SNX8: variants seen among roughly 807,000 people sequenced by gnomAD.
The protein encoded by SNX8 is sorting nexin-8.
Under a neutral mutation model 51.6 loss-of-function variants are expected in SNX8, and 25 were observed. The ratio of observed to expected loss-of-function variants is 0.48; its 90% CI spans 0.35 to 0.68. The LOEUF (loss-of-function observed/expected upper bound fraction) is 0.68. SNX8 is among the 30% of genes least tolerant of loss of function. The pLI, the probability that SNX8 is intolerant of heterozygous loss-of-function variation, is 0.00. For synonymous variants in SNX8, 324 were observed against 277.0 expected (o/e 1.17, Z -1.68); for missense variants, 695 against 624.0 (o/e 1.11, Z -1.21).
At chr7:2,271,163 C>G (rs1795635899) in intron 4 of SNX8, among the ~76,000 whole-genome samples, 1 of 152,238 alleles carries the variant, frequency 6.6e-6, no homozygotes. Context: ...CATGCCTCAG[C>G]CTCCCAAGTG....
upstream of SNX8, among the ~76,000 whole-genome samples, chr7:2,316,548 CACA>C (rs1419203964): frequency 6.7e-6 from 1 of 148,400 alleles, no homozygotes; most frequent in Non-Finnish European, 1.5e-5. Flanking sequence ...CATTCATTCA[CACA>C]ACCACTCACT....
chr7:2,346,485 C>T (rs1214374588), intron 1 of SNX8, among the ~76,000 whole-genome samples: 4 of 150,938 alleles, frequency 2.7e-5, no homozygotes, highest in South Asian at 2.1e-4. Context: ...CGGTGGCTCA[C>T]ACCTGTAATC....
At chr7:2,308,575 G>A (rs967211217) in intron 1 of SNX8, among the ~76,000 whole-genome samples, 1 of 150,226 alleles carries the variant, frequency 6.7e-6, no homozygotes, top group Non-Finnish European at 1.5e-5. Context: ...GACTGAGGCA[G>A]GAGTCACTTG....
intron 1 of SNX8, among the ~76,000 whole-genome samples, chr7:2,344,151 C>T (rs543044311): frequency 4.7e-4 from 71 of 151,704 alleles, no homozygotes; most frequent in African/African-American, 1.7e-3. Flanking sequence ...CTGCAGTGAG[C>T]CATGATCACG....
chr7:2,338,038 C>T (rs568667845), intron 1 of SNX8, among the ~76,000 whole-genome samples: 55 of 152,178 alleles, frequency 3.6e-4, no homozygotes, highest in African/African-American at 1.0e-3. Flanking sequence ...ATAAAGACTG[C>T]GAAAGGGCCA....
chr7:2,347,867 C>T (rs1164998852), intron 1 of SNX8, among the ~76,000 whole-genome samples: 1 of 149,500 alleles, frequency 6.7e-6, no homozygotes, highest in Non-Finnish European at 1.5e-5. Context: ...TGGTCTGGAA[C>T]TCCTGACCTC....
intron 1 of SNX8, among the ~76,000 whole-genome samples, chr7:2,348,950 CA>C (rs60816121): frequency 0.3 from 16,839 of 55,950 alleles, 635 homozygotes; most frequent in Admixed American, 0.31. Context: ...GACTCTGTCT[CA>C]AAAAAAAAAA....
chr7:2,264,318 GAGA>G lies in SNX8; in HGVS notation c.759_761del (p.Leu254del), dbSNP rs772660587. Reference sequence around the variant, plus strand: ...CCTACCTTAGCTCCTTCCCGAATATGAGAAGATCTGCCGCATTGTCGATGGCCC... The same window carrying G: ...CCTACCTTAGCTCCTTCCCGAATATGAGATCTGCCGCATTGTCGATGGCCC... On this transcript the variant is annotated inframe_deletion, in exon 6 of 11. Coordinates refer to ENST00000222990, the MANE Select transcript of SNX8 (RefSeq NM_013321.4). The G allele has an allele frequency of 5.0e-6, 8 of 1,612,298 alleles. No homozygotes were observed. The highest frequency in any genetic ancestry group is 6.8e-6 in the Non-Finnish European group (8 of 1,179,402).
intron 1 of SNX8, 121 bp from the exon 2 acceptor site, chr7:2,278,426 T>C (rs1795834602): frequency 1.6e-6 from 1 of 620,920 alleles, no homozygotes; most frequent in African/African-American, 1.8e-5. Flanking sequence ...GGAGTATCAC[T>C]TGAGCCCTGG....
At chr7:2,320,468 C>G (rs1366326047) in intron 1 of SNX8, among the ~76,000 whole-genome samples, 1 of 152,160 alleles carries the variant, frequency 6.6e-6, no homozygotes, top group East Asian at 1.9e-4. Context: ...CACCTGCAAT[C>G]TCAGCAGTTT....
chr7:2,258,751 G>A (rs375544878), intron 7 of SNX8, among the ~76,000 whole-genome samples: 2 of 152,164 alleles, frequency 1.3e-5, no homozygotes, highest in African/African-American at 4.8e-5. Flanking sequence ...CACACTCGGC[G>A]GTGGGGGCAG....
At chr7:2,348,007 T>C (rs6974490) in intron 1 of SNX8, among the ~76,000 whole-genome samples, 112,231 of 152,016 alleles carry the variant, frequency 0.74, 41,472 homozygotes, top group East Asian at 0.84. Context: ...AGATTGGACA[T>C]AGACCGGTTT....
intron 1 of SNX8, among the ~76,000 whole-genome samples, chr7:2,287,305 C>T (rs1438657815): frequency 6.7e-6 from 1 of 150,186 alleles, no homozygotes; most frequent in Non-Finnish European, 1.5e-5. Flanking sequence ...ATTGTCCAGG[C>T]GGGGTGCCTC....
At position 2,323,777 on chromosome 7, in the gene SNX8, G is replaced by C. The variant is rs142528699; in HGVS notation, c.-66+30445C>G. On this transcript the variant is annotated intron_variant, in intron 1 of 5. Transcript: ENST00000435336. ...AACACTAACCACGCTAACACGTATT[G>C]AATGCGTACTAGGAACTGAGTCTTC... Among the ~76,000 whole-genome samples, 1,476 of 152,254 alleles carry C rather than the reference G, an allele frequency of 9.7e-3. 20 individuals carry two copies. Among genetic ancestry groups the C allele is most frequent in the South Asian group, 0.043 (206 of 4,824 alleles).
intron 1 of SNX8, among the ~76,000 whole-genome samples, chr7:2,327,564 T>A (rs942000406): frequency 6.6e-6 from 1 of 151,698 alleles, no homozygotes; most frequent in African/African-American, 2.4e-5. Flanking sequence ...CCCGCCACCA[T>A]GCCCGGCTAA....
intron 1 of SNX8, among the ~76,000 whole-genome samples, chr7:2,352,992 TTTTAAACACCGTTAGGATGGGATGGG>T (rs1779187820): frequency 6.6e-6 from 1 of 152,264 alleles, no homozygotes; most frequent in Middle Eastern, 3.4e-3. Flanking sequence ...TTTTTCGCTC[TTTTAAACACCGTTAGGATGGGATGGG>T]TGTGGTGGCT....
chr7:2,265,137 G>A (rs995134491), intron 5 of SNX8, among the ~76,000 whole-genome samples: 9 of 152,082 alleles, frequency 5.9e-5, no homozygotes, highest in African/African-American at 1.9e-4. Context: ...GGCGAATCAC[G>A]AGGTAAGGAG....
chr7:2,330,804 TC>T (rs1000155480), intron 1 of SNX8, among the ~76,000 whole-genome samples: 1 of 152,032 alleles, frequency 6.6e-6, no homozygotes, highest in Admixed American at 6.6e-5. Context: ...ACATGGTTTT[TC>T]CTAAAACAAC....
chr7:2,277,403 T>C (rs1327887190), intron 2 of SNX8, among the ~76,000 whole-genome samples: 2 of 152,136 alleles, frequency 1.3e-5, no homozygotes, highest in African/African-American at 4.8e-5. Flanking sequence ...CCGGAGTCGA[T>C]GGGGCTGACA....
Sources: allele counts gnomAD v4.1 joint callset (sites outside exome capture counted in the v4.1 genomes callset), GRCh38; gene constraint gnomAD v4.1.1; transcripts MANE v1.5; gene names NCBI Gene and HGNC (gene_info 2026-07-23, HGNC 2026-07-21).